TTC7A: variants seen among roughly 807,000 people sequenced by gnomAD.
TTC7A encodes the protein tetratricopeptide repeat protein 7A.
A neutral mutation model predicts 103.7 loss-of-function variants in TTC7A; 110 were observed. That is an observed-to-expected ratio of 1.06 (90% CI 0.91 to 1.24). TTC7A has a LOEUF of 1.24. Among genes scored for constraint, TTC7A ranks in the 50% most tolerant of loss-of-function variants. TTC7A has a pLI of 0.00. For synonymous variants in TTC7A, 521 were observed against 467.9 expected (o/e 1.11, Z -1.47); for missense variants, 1,340 against 1,116.3 (o/e 1.20, Z -2.86).
chr2:46,939,425 G>A (rs1218584539), upstream of TTC7A, among the ~76,000 whole-genome samples: 3 of 152,274 alleles, frequency 2.0e-5, no homozygotes, highest in East Asian at 1.9e-4. Context: ...GGGGTCCGGC[G>A]TATGTTGAGG....
At chr2:46,951,191 C>G (rs751587519) in intron 2 of TTC7A, among the ~76,000 whole-genome samples, 20 of 152,070 alleles carry the variant, frequency 1.3e-4, no homozygotes, top group Non-Finnish European at 2.8e-4. Context: ...GGTAGAGGAC[C>G]CACCTCTCCC....
intron 12 of TTC7A, among the ~76,000 whole-genome samples, chr2:47,022,946 T>TG (rs1679458083): frequency 6.6e-6 from 1 of 152,210 alleles, no homozygotes; most frequent in Non-Finnish European, 1.5e-5. Flanking sequence ...TAAACCTTCC[T>TG]GGGTAGTTAG....
At chr2:47,030,912 G>A (rs954517649) in intron 15 of TTC7A, among the ~76,000 whole-genome samples, 8 of 152,178 alleles carry the variant, frequency 5.3e-5, no homozygotes, top group Non-Finnish European at 7.4e-5. Context: ...TTGGGAGGCC[G>A]AGGCGGGTGG....
chr2:47,040,804 G>A lies in TTC7A; in HGVS notation c.1803-5511G>A, dbSNP rs953263246. Among the ~76,000 whole-genome samples the A allele has an allele frequency of 3.9e-5, 6 of 152,362 alleles. No individual in the cohort carries two copies. The East Asian group carries it at 1.2e-3, about 29-fold the overall frequency. ...AGGTGACTTTACTCCTGTTGTACAG[G>A]TGTGGGACCTGTGACATGCCCAGCT... On this transcript the variant is annotated intron_variant, in intron 15 of 19. Coordinates refer to ENST00000319190, the MANE Select transcript of TTC7A (RefSeq NM_020458.4).
chr2:47,023,490 G>C lies in TTC7A; in HGVS notation c.1568+25G>C. ...GGTGAGGAGGCTCCCACCTGCAGCA[G>C]AGGCCCCTCTTGCCTTTGGTGGCAG... On this transcript the variant is annotated intron_variant, in intron 13 of 19. Coordinates refer to ENST00000319190, the MANE Select transcript of TTC7A (RefSeq NM_020458.4). 3 of 1,613,450 alleles carry C rather than the reference G, an allele frequency of 1.9e-6. No homozygotes were observed. In the South Asian group the frequency reaches 3.3e-5, roughly 18 times the overall value.
At chr2:47,069,676 G>A (rs942432150) in intron 19 of TTC7A, among the ~76,000 whole-genome samples, 16 of 152,236 alleles carry the variant, frequency 1.1e-4, no homozygotes, top group African/African-American at 3.6e-4. Context: ...CCCGTTCCAG[G>A]TCTGGTTGGA....
chr2:46,945,346 G>A (rs1212267994), intron 1 of TTC7A, among the ~76,000 whole-genome samples: 4 of 152,000 alleles, frequency 2.6e-5, no homozygotes, highest in Admixed American at 2.0e-4. Context: ...TCTGCCTCCC[G>A]GGTTCAAGCG....
At chr2:47,029,559 T>C (rs1253490400) in intron 15 of TTC7A, among the ~76,000 whole-genome samples, 175 bp downstream of exon 15, 1 of 152,184 alleles carries the variant, frequency 6.6e-6, no homozygotes, top group Non-Finnish European at 1.5e-5. Flanking sequence ...AGCAGACAGC[T>C]GTGGTGCTCT....
chr2:46,919,915 G>A (rs1056239457), intron 2 of TTC7A, among the ~76,000 whole-genome samples: 1 of 152,256 alleles, frequency 6.6e-6, no homozygotes, highest in African/African-American at 2.4e-5. Context: ...TCCCCTGTCA[G>A]CTGGGATGGG....
At chr2:47,067,139 A>T (rs920102947) in intron 19 of TTC7A, among the ~76,000 whole-genome samples, 3 of 152,226 alleles carry the variant, frequency 2.0e-5, no homozygotes, top group Non-Finnish European at 4.4e-5. Context: ...TCACACTTCA[A>T]TTCTGCTGAT....
At chr2:46,999,604 G>T (rs1572863504) in intron 8 of TTC7A, 1 of 985,450 alleles carries the variant, frequency 1.0e-6, no homozygotes, top group Non-Finnish European at 1.2e-6. Context: ...GGATGTGGAG[G>T]AAACCCTGGT....
At chr2:46,949,525 G>C (rs1033911738) in intron 1 of TTC7A, among the ~76,000 whole-genome samples, 1 of 152,112 alleles carries the variant, frequency 6.6e-6, no homozygotes, top group Non-Finnish European at 1.5e-5. Flanking sequence ...GAGCCACTGC[G>C]CTCACTAAAC....
intron 18 of TTC7A, among the ~76,000 whole-genome samples, chr2:47,057,137 T>C (rs1683390461): frequency 6.6e-6 from 1 of 152,204 alleles, no homozygotes; most frequent in Non-Finnish European, 1.5e-5. Flanking sequence ...CGAAGGCATC[T>C]GCTCAGGGAC....
At chr2:46,984,496 A>C (rs1422615343) in intron 5 of TTC7A, among the ~76,000 whole-genome samples, 1 of 152,196 alleles carries the variant, frequency 6.6e-6, no homozygotes, top group Admixed American at 6.5e-5. Flanking sequence ...GAAGGAATGC[A>C]AAACACCTGG....
chr2:46,930,917 T>C (rs1423680036), intron 2 of TTC7A, among the ~76,000 whole-genome samples: 1 of 152,220 alleles, frequency 6.6e-6, no homozygotes, highest in Non-Finnish European at 1.5e-5. Context: ...AAAATATATA[T>C]ACCCTCTGAT....
At chr2:46,954,446 G>A (rs1395519236) in intron 2 of TTC7A, among the ~76,000 whole-genome samples, 1 of 151,912 alleles carries the variant, frequency 6.6e-6, no homozygotes, top group East Asian at 1.9e-4. Context: ...TGCCAAGTAA[G>A]GACATTAAGA....
At chr2:47,065,326 C>T (rs1010611819) in intron 19 of TTC7A, among the ~76,000 whole-genome samples, 1 of 152,172 alleles carries the variant, frequency 6.6e-6, no homozygotes, top group Non-Finnish European at 1.5e-5. Flanking sequence ...CTGTGGCTTA[C>T]ATAGCATTTT....
At chr2:47,069,905 C>G (rs1573098989) in intron 19 of TTC7A, among the ~76,000 whole-genome samples, 1 of 152,252 alleles carries the variant, frequency 6.6e-6, no homozygotes, top group Non-Finnish European at 1.5e-5. Context: ...CCTGGCTTCC[C>G]AGCTGGAAAG....
At chr2:46,945,402 G>A (rs1670845285) in intron 1 of TTC7A, among the ~76,000 whole-genome samples, 2 of 152,132 alleles carry the variant, frequency 1.3e-5, no homozygotes, top group African/African-American at 4.8e-5. Context: ...ACAGGTGCGT[G>A]GCACCACACC....
Sources: gnomAD v4.1 joint callset for allele counts (sites outside exome capture counted in the v4.1 genomes callset) on GRCh38, gnomAD v4.1.1 for gene constraint, MANE v1.5 for transcripts, NCBI Gene and HGNC (gene_info 2026-07-23, HGNC 2026-07-21) for gene names.